The following NAV3 variants were observed in gnomAD, a reference collection of about 807,000 sequenced individuals.
NAV3 encodes the protein pore membrane and/or filament interacting like protein 1.
In NAV3, 87 loss-of-function variants were observed where a neutral mutation model predicts 244.7. The ratio of observed to expected loss-of-function variants is 0.36; its 90% confidence interval spans 0.30 to 0.42. NAV3 has a LOEUF of 0.42. NAV3 is among the 20% of genes least tolerant of loss of function. The pLI is 1.00. For missense variants in NAV3, 2,663 were observed against 2,893.3 expected (o/e 0.92, Z 1.83); for synonymous variants, 1,126 against 1,042.2 (o/e 1.08, Z -1.55).
chr12:77,905,926 G>T (rs766292686), intron 1 of NAV3, among the ~76,000 whole-genome samples: 1 of 152,118 alleles, frequency 6.6e-6, no homozygotes, highest in Non-Finnish European at 1.5e-5. Flanking sequence ...CATCACTTTC[G>T]TGAGTACCGT....
chr12:77,823,121 A>G (rs1298736828), intron 2 of NAV3, among the ~76,000 whole-genome samples: 1 of 152,200 alleles, frequency 6.6e-6, no homozygotes, highest in Non-Finnish European at 1.5e-5. Context: ...TGGAGGCAAT[A>G]TCCAGACCAC....
intron 1 of NAV3, among the ~76,000 whole-genome samples, chr12:77,844,903 G>A (rs114051864): frequency 0.012 from 1,751 of 152,118 alleles, 27 homozygotes; most frequent in African/African-American, 0.04. Context: ...CAATTTTCTC[G>A]ACTTTGGGAT....
intron 5 of NAV3, among the ~76,000 whole-genome samples, chr12:77,976,899 G>A (rs113153505): frequency 3.3e-5 from 5 of 151,810 alleles, no homozygotes; most frequent in African/African-American, 7.2e-5. Flanking sequence ...GGATGGTCTC[G>A]ATCTTGACCT....
chr12:77,910,056 A>G (rs902627354), intron 1 of NAV3, among the ~76,000 whole-genome samples: 2 of 152,150 alleles, frequency 1.3e-5, no homozygotes, highest in African/African-American at 4.8e-5. Flanking sequence ...TACTTAAAAT[A>G]TGTCTCATAG....
At chr12:77,717,981 G>C (rs1434941322) in intron 2 of NAV3, among the ~76,000 whole-genome samples, 2 of 152,184 alleles carry the variant, frequency 1.3e-5, no homozygotes, top group Middle Eastern at 3.4e-3. Flanking sequence ...TATTAACCCT[G>C]TATCAGATAT....
At chr12:78,207,921 C>T (rs1015676272) in intron 39 of NAV3, among the ~76,000 whole-genome samples, 1 of 152,072 alleles carries the variant, frequency 6.6e-6, no homozygotes, top group Non-Finnish European at 1.5e-5. Context: ...AATCTGGAAG[C>T]TTAGCAGATT....
chr12:78,203,312 A>T (rs957407259), intron 38 of NAV3, among the ~76,000 whole-genome samples: 1 of 152,144 alleles, frequency 6.6e-6, no homozygotes, highest in East Asian at 1.9e-4. Context: ...TAAAACAAAC[A>T]AACATAATTA....
intron 2 of NAV3, among the ~76,000 whole-genome samples, chr12:77,774,563 AAGG>A (rs1870255265): frequency 6.6e-6 from 1 of 152,160 alleles, no homozygotes. Context: ...TATGATCTTA[AAGG>A]ACTAGAGAGG....
chr12:78,146,491 GCAGAAC>G, intron 21 of NAV3, 99 bp downstream of exon 21: 1 of 399,742 alleles, frequency 2.5e-6, no homozygotes, highest in Non-Finnish European at 4.3e-6. Flanking sequence ...TGATACAATA[GCAGAAC>G]TCCACAGGAC....
At chr12:77,867,827 G>A (rs1880314341) in intron 1 of NAV3, among the ~76,000 whole-genome samples, 1 of 152,114 alleles carries the variant, frequency 6.6e-6, no homozygotes, top group South Asian at 2.1e-4. Context: ...GTGACCCTAT[G>A]CCTCAGGCTC....
intron 2 of NAV3, among the ~76,000 whole-genome samples, chr12:77,764,630 C>T (rs1001385663): frequency 2.0e-5 from 3 of 152,156 alleles, no homozygotes; most frequent in East Asian, 1.9e-4. Context: ...AAGAGAGCCT[C>T]GTTTAATAAA....
chr12:77,721,801 GC>G (rs1278113738), intron 2 of NAV3, among the ~76,000 whole-genome samples: 1 of 151,868 alleles, frequency 6.6e-6, no homozygotes, highest in Non-Finnish European at 1.5e-5. Flanking sequence ...GCAGTTCGTG[GC>G]CCTTACGTAA....
intron 1 of NAV3, among the ~76,000 whole-genome samples, chr12:77,886,796 G>A (rs550823609): frequency 6.6e-6 from 1 of 152,148 alleles, no homozygotes; most frequent in East Asian, 1.9e-4. Flanking sequence ...TCATTGAGCT[G>A]AAATAAGCTA....
intron 21 of NAV3, among the ~76,000 whole-genome samples, chr12:78,148,509 TCTA>T (rs988428410): frequency 4.6e-5 from 7 of 151,988 alleles, no homozygotes; most frequent in Admixed American, 2.0e-4. Context: ...AAAATATTTT[TCTA>T]CAGTTTTATT....
intron 27 of NAV3, 29 bp downstream of exon 27, chr12:78,177,342 C>A (rs1002144242): frequency 4.4e-6 from 7 of 1,588,294 alleles, no homozygotes; most frequent in Admixed American, 1.9e-5. Context: ...AAAATGCAGA[C>A]ATATTTTTTA....
chr12:77,629,742 A>G (rs1871801052), intron 2 of NAV3, among the ~76,000 whole-genome samples: 1 of 152,170 alleles, frequency 6.6e-6, no homozygotes, highest in Non-Finnish European at 1.5e-5. Context: ...AAACTTTTGT[A>G]CATTAGTTAA....
At chr12:77,702,123 G>T (rs1451785218) in intron 2 of NAV3, among the ~76,000 whole-genome samples, 2 of 151,874 alleles carry the variant, frequency 1.3e-5, no homozygotes, top group Admixed American at 1.3e-4. Flanking sequence ...TTTGCTTTGT[G>T]TATTTTGAAA....
At chr12:77,925,640 C>T (rs1358587474) in intron 1 of NAV3, among the ~76,000 whole-genome samples, 3 of 151,988 alleles carry the variant, frequency 2.0e-5, no homozygotes, top group Admixed American at 6.6e-5. Context: ...CATCGCTTTG[C>T]GGTTTGACAA....
chr12:78,027,949 TTTTGTTTTG>T lies in NAV3; in HGVS notation c.2023+6091_2023+6099del, dbSNP rs1486106799. On this transcript the variant is annotated intron_variant, in intron 9 of 39. Coordinates refer to ENST00000397909, the MANE Select transcript of NAV3 (RefSeq NM_001024383.2). ...GATAAGAAAAAAAGGAAGCGTTTTT[TTTTGTTTTG>T]TTTTGTTTTGTTTTGTTTTTTTTAT... is the stretch of plus-strand genomic sequence containing the variant. Among the ~76,000 whole-genome samples the T allele has an allele frequency of 1.3e-5, 2 of 151,842 alleles. 1 individual carries two copies. The highest frequency in any genetic ancestry group is 4.8e-5 in the African/African-American group (2 of 41,336).
Sources: allele counts gnomAD v4.1 joint callset (sites outside exome capture counted in the v4.1 genomes callset), GRCh38; gene constraint gnomAD v4.1.1; transcripts MANE v1.5; gene names NCBI Gene and HGNC (gene_info 2026-07-23, HGNC 2026-07-21).